Variants in PRSS23 observed in about 807,000 individuals in gnomAD.
PRSS23 encodes protease, serine 23.
A neutral mutation model predicts 34.7 loss-of-function variants in PRSS23; 25 were observed. The observed-to-expected ratio is 0.72, with a 90% CI of 0.53 to 1.01. PRSS23 has a LOEUF of 1.01. PRSS23 is among the 50% of genes least tolerant of loss of function. The pLI is 0.00. For synonymous variants in PRSS23, 176 were observed against 186.6 expected (o/e 0.94, Z 0.46); for missense variants, 445 against 475.6 (o/e 0.94, Z 0.60).
intron 1 of PRSS23, among the ~76,000 whole-genome samples, chr11:86,816,464 A>T (rs1948215944): frequency 6.6e-6 from 1 of 152,194 alleles, no homozygotes; most frequent in Non-Finnish European, 1.5e-5. Context: ...TGTAAATTGA[A>T]TGAGTTGAGT....
At chr11:86,907,864 A>G (rs533320134) in intron 2 of PRSS23, among the ~76,000 whole-genome samples, 1 of 146,738 alleles carries the variant, frequency 6.8e-6, no homozygotes, top group Admixed American at 7.0e-5. Flanking sequence ...CTTTATACCC[A>G]GTTGAATAGC....
Position 86,951,534 on chromosome 11 carries a change from C to T in PRSS23, c.*249C>T, listed in dbSNP as rs2135040394. The T allele has an allele frequency of 1.9e-6, 3 of 1,614,146 alleles. No homozygotes were observed. Among genetic ancestry groups the T allele is most frequent in the Non-Finnish European group, 2.5e-6 (3 of 1,180,008 alleles). On this transcript the variant is annotated 3_prime_UTR_variant, in exon 3 of 3. Transcript: ENST00000533902. ...ATTTTGAACAAGGCCACCAAACCTG[C>T]AGCAATGAACAAAGTTCCAATGACC...
chr11:86,867,543 C>T (rs1006458940), intron 2 of PRSS23, among the ~76,000 whole-genome samples: 1 of 152,126 alleles, frequency 6.6e-6, no homozygotes, highest in Non-Finnish European at 1.5e-5. Context: ...AGGGGTATAA[C>T]AACCATCCTC....
intron 2 of PRSS23, among the ~76,000 whole-genome samples, chr11:86,843,928 G>T (rs1948467213): frequency 6.6e-6 from 1 of 152,144 alleles, no homozygotes. Context: ...ATACCCAAAG[G>T]ATTAAAAATC....
chr11:86,940,311 G>A (rs966265736), intron 2 of PRSS23, among the ~76,000 whole-genome samples: 6 of 152,106 alleles, frequency 3.9e-5, no homozygotes, highest in East Asian at 1.9e-4. Flanking sequence ...GTGCTGTATC[G>A]GGTGTGCAGA....
At chr11:86,906,080 T>C (rs1387558722) in intron 2 of PRSS23, among the ~76,000 whole-genome samples, 3 of 151,968 alleles carry the variant, frequency 2.0e-5, no homozygotes, top group African/African-American at 7.3e-5. Flanking sequence ...ATTGCCTTTG[T>C]AGAGAGAACA....
In PRSS23 at chr11:86,834,018, G is replaced by A. The variant is rs939648818; in HGVS notation, c.206+10425G>A. Among the ~76,000 whole-genome samples, 4 of 152,168 alleles carry A rather than the reference G, an allele frequency of 2.6e-5. No individual in the cohort carries two copies. The East Asian group carries it at 7.7e-4, about 29-fold the overall frequency. On this transcript the variant is annotated intron_variant, in intron 2 of 2. Transcript: ENST00000533902. The stretch of plus-strand genomic sequence containing the variant: ...AGATCTTAGTCATGGACTGCATCTG[G>A]GGCTCCATTTGAAGAACATTTGTAG...
chr11:86,930,045 A>G (rs1949113337), intron 2 of PRSS23, among the ~76,000 whole-genome samples: 1 of 152,084 alleles, frequency 6.6e-6, no homozygotes, highest in African/African-American at 2.4e-5. Flanking sequence ...ATACAAATAT[A>G]GTATTATACT....
chr11:86,880,716 A>C (rs1469002441), intron 2 of PRSS23, among the ~76,000 whole-genome samples: 1 of 151,580 alleles, frequency 6.6e-6, no homozygotes, highest in African/African-American at 2.4e-5. Flanking sequence ...TCATTGTTCA[A>C]CTCCCACTTA....
chr11:86,817,124 G>T lies in PRSS23; in HGVS notation c.-11-6253G>T, dbSNP rs190154871. 4.7e-5 allele frequency among the ~76,000 whole-genome samples: 7 copies of T among 148,736 alleles called. No individual in the cohort carries two copies. The East Asian group carries it at 1.6e-3, about 34-fold the overall frequency. The stretch of plus-strand genomic sequence containing the variant: ...TGCTTGAAAATATGGTTTTTGAGGG[G>T]CAAGAAAGCCTTTTTTTGTGATTTT... On this transcript the variant is annotated intron_variant, in intron 1 of 2. Transcript: ENST00000533902.
At chr11:86,827,342 T>G (rs188229539) in intron 2 of PRSS23, among the ~76,000 whole-genome samples, 2 of 152,280 alleles carry the variant, frequency 1.3e-5, no homozygotes, top group African/African-American at 4.8e-5. Context: ...TGGTGATATC[T>G]CCTTTATCAT....
intron 2 of PRSS23, among the ~76,000 whole-genome samples, chr11:86,866,368 A>G (rs1486407750): frequency 2.0e-5 from 3 of 152,222 alleles, no homozygotes; most frequent in African/African-American, 7.2e-5. Flanking sequence ...GGTAGGGTAC[A>G]GGAGTGAAGG....
At chr11:86,935,482 T>C (rs984017993) in intron 2 of PRSS23, 8 of 152,198 alleles carry the variant, frequency 5.3e-5, no homozygotes, top group Non-Finnish European at 7.3e-5. Flanking sequence ...ATGGCATTTT[T>C]TTGTCTGTTC....
Position 86,817,745 on chromosome 11 carries a change from A to G in PRSS23, c.-11-5632A>G, listed in dbSNP as rs535286387. ...TCATTTATGAAACCAACAAGCATGT[A>G]TTGAGTACCTGTAATGTGCCAGACA... On this transcript the variant is annotated intron_variant, in intron 1 of 2. Coordinates refer to the PRSS23 transcript ENST00000533902. Among the ~76,000 whole-genome samples the G allele has an allele frequency of 2.6e-5, 4 of 152,342 alleles. No homozygotes were observed. The South Asian group carries it at 8.3e-4, about 32-fold the overall frequency.
intron 2 of PRSS23, among the ~76,000 whole-genome samples, chr11:86,837,824 G>T (rs1234933256): frequency 6.6e-6 from 1 of 152,162 alleles, no homozygotes. Context: ...TTTTAAGATG[G>T]CCAAATAGGA....
intron 2 of PRSS23, among the ~76,000 whole-genome samples, chr11:86,941,549 G>A (rs1459670945): frequency 6.6e-6 from 1 of 152,178 alleles, no homozygotes; most frequent in African/African-American, 2.4e-5. Flanking sequence ...CTTGTTAATA[G>A]CAGCTGAATT....
intron 2 of PRSS23, among the ~76,000 whole-genome samples, chr11:86,929,322 C>CAA (rs1207187904): frequency 9.1e-5 from 9 of 98,686 alleles, no homozygotes; most frequent in Admixed American, 3.3e-4. Flanking sequence ...AACTCCGTCT[C>CAA]AAAAAAAAAA....
intron 2 of PRSS23, among the ~76,000 whole-genome samples, chr11:86,878,700 A>G (rs1333228154): frequency 1.1e-4 from 16 of 151,910 alleles, no homozygotes; most frequent in Admixed American, 9.8e-4. Flanking sequence ...CTGGGAAGTG[A>G]GGAGCGTCTC....
chr11:86,878,408 G>A (rs7114286), intron 2 of PRSS23, among the ~76,000 whole-genome samples: 23,731 of 151,886 alleles, frequency 0.16, 2,267 homozygotes, highest in East Asian at 0.4. Flanking sequence ...GATTGCAGGC[G>A]CGCGCCGCCA....
Sources: allele counts gnomAD v4.1 joint callset (sites outside exome capture counted in the v4.1 genomes callset), GRCh38; gene constraint gnomAD v4.1.1; transcripts MANE v1.5; gene names NCBI Gene and HGNC (gene_info 2026-07-23, HGNC 2026-07-21).